The following BTBD16 variants were observed in gnomAD, a reference collection of about 807,000 sequenced individuals.
The protein encoded by BTBD16 is BTB domain containing 16.
Under a neutral mutation model 67.4 loss-of-function variants are expected in BTBD16, and 66 were observed. The observed-to-expected ratio is 0.98, with a 90% CI of 0.80 to 1.20. BTBD16 has a LOEUF of 1.20. Among genes scored for constraint, BTBD16 ranks in the 50% most tolerant of loss-of-function variants. The probability of loss-of-function intolerance (pLI) is 0.00; values close to 1 mark genes in which losing one functional copy is unlikely to be tolerated. For synonymous variants in BTBD16, 242 were observed against 236.4 expected (o/e 1.02, Z -0.22); for missense variants, 634 against 616.0 (o/e 1.03, Z -0.31).
Position 122,332,965 on chromosome 10 carries a change from A to C in BTBD16, c.1164+452A>C, listed in dbSNP as rs550088248. 9.1e-6 allele frequency: 9 copies of C among 985,328 alleles called. No homozygotes were observed. The African/African-American group carries it at 1.4e-4, about 15-fold the overall frequency. The allele number at this position is 985,328 out of a possible 1,614,324, so 61.0% of individuals were successfully genotyped here. ...CTATTTTGATGGATTTCAGAATAAA[A>C]CTGCAGTGGGTCAAGGAGCTTGATT... is the stretch of plus-strand genomic sequence containing the variant. On this transcript the variant is annotated intron_variant, in intron 13 of 15. Coordinates refer to ENST00000260723, the MANE Select transcript of BTBD16 (RefSeq NM_144587.5).
chr10:122,306,261 C>T (rs2096403510), intron 9 of BTBD16, among the ~76,000 whole-genome samples: 3 of 152,206 alleles, frequency 2.0e-5, no homozygotes, highest in Non-Finnish European at 4.4e-5. Flanking sequence ...TCCCTTGAGC[C>T]TCTAGAAGGA....
chr10:122,329,384 G>A, intron 10 of BTBD16, 96 bp from the exon 11 acceptor site: 1 of 1,173,046 alleles, frequency 8.5e-7, no homozygotes, highest in Non-Finnish European at 1.2e-6. Context: ...GGCTAGTGAA[G>A]CCACTAGTCT....
intron 5 of BTBD16, among the ~76,000 whole-genome samples, chr10:122,287,058 C>T (rs960336517): frequency 6.6e-6 from 1 of 152,162 alleles, no homozygotes; most frequent in Non-Finnish European, 1.5e-5. Flanking sequence ...CCCAGTCACT[C>T]CCCCTCCCTG....
intron 10 of BTBD16, among the ~76,000 whole-genome samples, chr10:122,313,513 T>G (rs2096418083): frequency 6.6e-6 from 1 of 152,066 alleles, no homozygotes; most frequent in African/African-American, 2.4e-5. Context: ...TCCGCCCGCC[T>G]CGGCCTCCCA....
intron 10 of BTBD16, among the ~76,000 whole-genome samples, chr10:122,324,679 G>T (rs2096441297): frequency 6.6e-6 from 1 of 151,338 alleles, no homozygotes; most frequent in South Asian, 2.1e-4. Context: ...TGACGTTCAT[G>T]CTTCTTGCCT....
chr10:122,296,775 G>A (rs1301204919), intron 7 of BTBD16, among the ~76,000 whole-genome samples: 1 of 152,180 alleles, frequency 6.6e-6, no homozygotes, highest in African/African-American at 2.4e-5. Flanking sequence ...GAGCAATCAG[G>A]GAGACTTCCA....
In BTBD16 at chr10:122,338,152, A is replaced by G; in HGVS notation, c.*67A>G. 6 of 1,277,336 alleles carry G rather than the reference A, an allele frequency of 4.7e-6. No homozygotes were observed. The highest frequency in any genetic ancestry group is 1.9e-5 in the Admixed American group (1 of 52,774). 79.1% of individuals were successfully genotyped at this position (1,277,336 alleles called of 1,614,324 possible). A position where few individuals can be genotyped will look rare whatever the true frequency, so the allele number is the denominator to read the frequency against. ...TGCATAAAAGAAAATAAAATGACAT[A>G]AAAGGGAGCACTCAAGCATTCCGTT... On this transcript the variant is annotated 3_prime_UTR_variant, in exon 16 of 16. Coordinates refer to ENST00000260723, the MANE Select transcript of BTBD16 (RefSeq NM_144587.5).
At chr10:122,310,689 C>T (rs542412241) in intron 10 of BTBD16, among the ~76,000 whole-genome samples, 1 of 152,176 alleles carries the variant, frequency 6.6e-6, no homozygotes, top group African/African-American at 2.4e-5. Flanking sequence ...GCAATTTGGC[C>T]CAATTTTAAA....
intron 13 of BTBD16, among the ~76,000 whole-genome samples, chr10:122,334,324 T>C (rs2096459681): frequency 6.6e-6 from 1 of 150,692 alleles, no homozygotes; most frequent in Non-Finnish European, 1.5e-5. Context: ...GCCTCCTGAG[T>C]AGCTGGGACT....
At chr10:122,304,812 C>G (rs1465587172) in intron 9 of BTBD16, among the ~76,000 whole-genome samples, 1 of 152,150 alleles carries the variant, frequency 6.6e-6, no homozygotes, top group Non-Finnish European at 1.5e-5. Flanking sequence ...CTCGGCCTCC[C>G]AAAGTGCTGG....
intron 9 of BTBD16, among the ~76,000 whole-genome samples, chr10:122,301,481 C>A (rs537398007): frequency 9.2e-5 from 14 of 152,236 alleles, no homozygotes; most frequent in Admixed American, 7.8e-4. Flanking sequence ...GGGAAAAGAG[C>A]CCTGTGTGGC....
chr10:122,276,765 C>G, intron 2 of BTBD16, 26 bp from the exon 3 acceptor site: 3 of 1,601,128 alleles, frequency 1.9e-6, no homozygotes, highest in Non-Finnish European at 2.6e-6. Context: ...AAAAAGATGT[C>G]TTCTCTTTCT....
intron 7 of BTBD16, among the ~76,000 whole-genome samples, chr10:122,292,831 G>A (rs2096376555): frequency 6.6e-6 from 1 of 152,224 alleles, no homozygotes; most frequent in Non-Finnish European, 1.5e-5. Flanking sequence ...AAAATGTTGT[G>A]CTATGTATTA....
chr10:122,306,573 C>T (rs778802371), intron 9 of BTBD16, among the ~76,000 whole-genome samples: 2 of 152,180 alleles, frequency 1.3e-5, no homozygotes, highest in Non-Finnish European at 2.9e-5. Flanking sequence ...CAGGTCTGAG[C>T]CCAGAATTGT....
At chr10:122,308,038 G>A (rs145609879) in intron 10 of BTBD16, among the ~76,000 whole-genome samples, 291 of 152,272 alleles carry the variant, frequency 1.9e-3, no homozygotes, top group African/African-American at 6.6e-3. Context: ...GAACCCAAAT[G>A]TTTTACCCGC....
intron 15 of BTBD16, 154 bp from the exon 16 acceptor site, chr10:122,337,863 T>A: frequency 6.1e-6 from 1 of 164,100 alleles, no homozygotes; most frequent in East Asian, 1.9e-4. Flanking sequence ...TATTGGCAGT[T>A]TATTTCAAAT....
intron 9 of BTBD16, among the ~76,000 whole-genome samples, chr10:122,301,571 G>A (rs2096394131): frequency 6.6e-6 from 1 of 152,168 alleles, no homozygotes; most frequent in South Asian, 2.1e-4. Flanking sequence ...GATCTCCAGT[G>A]GCTGCCTTTG....
chr10:122,298,893 G>A, intron 8 of BTBD16, 111 bp from the exon 9 acceptor site: 1 of 1,396,052 alleles, frequency 7.2e-7, no homozygotes, highest in Non-Finnish European at 9.6e-7. Flanking sequence ...AAAGGTTTGA[G>A]CGCCTCTGCA....
chr10:122,310,110 C>A (rs1406091441), intron 10 of BTBD16, among the ~76,000 whole-genome samples: 2 of 152,174 alleles, frequency 1.3e-5, no homozygotes, highest in Non-Finnish European at 2.9e-5. Context: ...AGAAGTGGGT[C>A]TTAAATGCTG....
Sources: gnomAD v4.1 joint callset for allele counts (sites outside exome capture counted in the v4.1 genomes callset) on GRCh38, gnomAD v4.1.1 for gene constraint, MANE v1.5 for transcripts, NCBI Gene and HGNC (gene_info 2026-07-23, HGNC 2026-07-21) for gene names.